The following ME1 variants were observed in gnomAD, a reference collection of about 807,000 sequenced individuals.
The protein encoded by ME1 is malic enzyme 1, also known as NADP-dependent malic enzyme.
In ME1, 74 loss-of-function variants were observed where a neutral mutation model predicts 66.4. The observed-to-expected ratio is 1.11, with a 90% CI of 0.92 to 1.35. The LOEUF (loss-of-function observed/expected upper bound fraction) is 1.35, where lower values mean the gene tolerates loss of function less well. Among genes scored for constraint, ME1 ranks in the 40% most tolerant of loss-of-function variants. ME1 has a pLI of 0.00. For missense variants in ME1, 750 were observed against 694.1 expected (o/e 1.08, Z -0.90); for synonymous variants, 251 against 235.6 (o/e 1.07, Z -0.60).
intron 3 of ME1, among the ~76,000 whole-genome samples, chr6:83,394,084 T>C (rs1248037418): frequency 6.6e-6 from 1 of 151,880 alleles, no homozygotes; most frequent in Non-Finnish European, 1.5e-5. Context: ...ATTATTTGTA[T>C]AGTTAAAATA....
chr6:83,319,862 A>T (rs1768118622), intron 5 of ME1, among the ~76,000 whole-genome samples: 1 of 152,138 alleles, frequency 6.6e-6, no homozygotes, highest in Non-Finnish European at 1.5e-5. Flanking sequence ...TCCAGCTATG[A>T]ATGAGAATGT....
intron 6 of ME1, among the ~76,000 whole-genome samples, chr6:83,254,448 C>G (rs567655879): frequency 2.0e-5 from 3 of 152,128 alleles, no homozygotes; most frequent in Non-Finnish European, 2.9e-5. Flanking sequence ...GGCCCCATCT[C>G]TTAATACTTT....
At chr6:83,421,774 A>T (rs13220191) in intron 1 of ME1, among the ~76,000 whole-genome samples, 1 of 152,168 alleles carries the variant, frequency 6.6e-6, no homozygotes, top group South Asian at 2.1e-4. Context: ...ATTCTTTTCC[A>T]CCTCTCTAGT....
chr6:83,353,741 A>G (rs562599299), intron 3 of ME1, among the ~76,000 whole-genome samples: 35 of 152,284 alleles, frequency 2.3e-4, no homozygotes, highest in Middle Eastern at 3.4e-3. Context: ...TGACATGTCT[A>G]TAGTAGTTTT....
rs1233144606 is a variant in ME1 at position 83,315,501 on chromosome 6, A to C, written c.601-88T>G. 4 of 749,804 alleles carry C rather than the reference A, an allele frequency of 5.3e-6. No homozygotes were observed. The African/African-American group carries it at 5.4e-5, about 10-fold the overall frequency. The allele number at this position is 749,804 out of a possible 1,614,324, so 46.4% of individuals were successfully genotyped here. On this transcript the variant is annotated intron_variant, in intron 5 of 13. Coordinates refer to ENST00000369705, the MANE Select transcript of ME1 (RefSeq NM_002395.6). Reference sequence around the variant, plus strand: ...GTTTCTTCATCTGTATAAAAGGGACAAAAATAGAAATAAAATCTTACCATA... The same window carrying C: ...GTTTCTTCATCTGTATAAAAGGGACCAAAATAGAAATAAAATCTTACCATA...
chr6:83,370,840 A>C (rs1390099574), intron 3 of ME1, among the ~76,000 whole-genome samples: 1 of 152,160 alleles, frequency 6.6e-6, no homozygotes, highest in Non-Finnish European at 1.5e-5. Context: ...AATGGGATCC[A>C]AGAGCGGAAA....
chr6:83,377,067 T>C (rs1309570514), intron 3 of ME1, among the ~76,000 whole-genome samples: 1 of 152,164 alleles, frequency 6.6e-6, no homozygotes, highest in Non-Finnish European at 1.5e-5. Flanking sequence ...AAAACTAATA[T>C]TTTAATTTTC....
intron 13 of ME1, 93 bp from the exon 14 acceptor site, chr6:83,212,187 G>T: frequency 2.4e-6 from 2 of 821,434 alleles, no homozygotes; most frequent in Non-Finnish European, 3.6e-6. Flanking sequence ...CAAAAACACT[G>T]TATCCTATGT....
chr6:83,247,662 T>C (rs1790649588), intron 7 of ME1, among the ~76,000 whole-genome samples: 1 of 152,144 alleles, frequency 6.6e-6, no homozygotes, highest in African/African-American at 2.4e-5. Flanking sequence ...GAGAGGAAAG[T>C]ATTACATCTG....
chr6:83,408,452 C>T (rs1769987905), intron 1 of ME1, among the ~76,000 whole-genome samples: 1 of 152,194 alleles, frequency 6.6e-6, no homozygotes, highest in South Asian at 2.1e-4. Flanking sequence ...TTTTATTCTT[C>T]CATGGCACAT....
At chr6:83,419,705 T>G (rs1473540387) in intron 1 of ME1, among the ~76,000 whole-genome samples, 1 of 152,206 alleles carries the variant, frequency 6.6e-6, no homozygotes, top group Non-Finnish European at 1.5e-5. Context: ...TCACCTCAAT[T>G]TTCAAGAATA....
At chr6:83,394,198 T>C (rs936865482) in intron 3 of ME1, among the ~76,000 whole-genome samples, 2 of 152,086 alleles carry the variant, frequency 1.3e-5, no homozygotes, top group African/African-American at 4.8e-5. Flanking sequence ...TTAATGTAAC[T>C]ATTACATAAA....
At chr6:83,349,228 A>G (rs999414615) in intron 4 of ME1, among the ~76,000 whole-genome samples, 1 of 152,108 alleles carries the variant, frequency 6.6e-6, no homozygotes, top group African/African-American at 2.4e-5. Context: ...TCCATATAAA[A>G]GAGTAGATTT....
intron 2 of ME1, among the ~76,000 whole-genome samples, chr6:83,406,321 T>C (rs1352047746): frequency 6.6e-6 from 1 of 152,232 alleles, no homozygotes; most frequent in East Asian, 1.9e-4. Context: ...CCAATTTTGC[T>C]ATCAGGATGA....
rs140620139 is a variant in ME1, at chr6:83,266,194, G to A, written c.705-12456C>T. ...AAAAAATCAAACTATTTTATAGTGA[G>A]ACCTCAAAATCAAAAGAAAAATTTA... On this transcript the variant is annotated intron_variant, in intron 6 of 13. Coordinates refer to ENST00000369705, the MANE Select transcript of ME1 (RefSeq NM_002395.6). Among the ~76,000 whole-genome samples, 794 of 152,206 alleles carry A rather than the reference G, an allele frequency of 5.2e-3. 7 individuals are homozygous for A. The highest frequency in any genetic ancestry group is 0.018 in the African/African-American group (748 of 41,542).
chr6:83,416,793 G>A (rs1180598233), intron 1 of ME1, among the ~76,000 whole-genome samples: 1 of 151,814 alleles, frequency 6.6e-6, no homozygotes, highest in Non-Finnish European at 1.5e-5. Flanking sequence ...CTACTTGGGA[G>A]GCAGAGGTGG....
intron 6 of ME1, among the ~76,000 whole-genome samples, chr6:83,294,713 C>A (rs978289584): frequency 6.6e-6 from 1 of 152,150 alleles, no homozygotes; most frequent in African/African-American, 2.4e-5. Flanking sequence ...CTCCAGCAAG[C>A]TGCAGTTACC....
chr6:83,342,807 C>A (rs551206150), intron 5 of ME1, among the ~76,000 whole-genome samples: 129 of 152,262 alleles, frequency 8.5e-4, no homozygotes, highest in African/African-American at 3.0e-3. Flanking sequence ...CTGCCTCAGC[C>A]TCCCAAGTAG....
chr6:83,422,683 C>A (rs903924835), intron 1 of ME1, among the ~76,000 whole-genome samples: 2 of 151,858 alleles, frequency 1.3e-5, no homozygotes, highest in Non-Finnish European at 2.9e-5. Flanking sequence ...CTTAAAAATA[C>A]AATAATTATA....
Sources: allele counts gnomAD v4.1 joint callset (sites outside exome capture counted in the v4.1 genomes callset), GRCh38; gene constraint gnomAD v4.1.1; transcripts MANE v1.5; gene names NCBI Gene and HGNC (gene_info 2026-07-23, HGNC 2026-07-21).